The following ZFP90 variants were observed in gnomAD, a reference collection of about 807,000 sequenced individuals.
ZFP90 encodes zinc finger protein 90 homolog.
Under a neutral mutation model 60.8 loss-of-function variants are expected in ZFP90, and 38 were observed. That is an observed-to-expected ratio of 0.62 (90% CI 0.48 to 0.82). The LOEUF (loss-of-function observed/expected upper bound fraction) is 0.82, where lower values mean the gene tolerates loss of function less well. Among genes scored for constraint, ZFP90 ranks in the 40% least tolerant of loss-of-function variants. The pLI is 0.00. For missense variants in ZFP90, 711 were observed against 759.1 expected (o/e 0.94, Z 0.74); for synonymous variants, 287 against 264.8 (o/e 1.08, Z -0.82).
rs34979386 is a variant in ZFP90, at chr16:68,564,841, ATT to A, written c.*154_*155del. 58 of 1,344,364 alleles carry A rather than the reference ATT, an allele frequency of 4.3e-5. No homozygotes were observed. The Admixed American group carries it at 1.3e-3, about 31-fold the overall frequency. The allele number at this position is 1,344,364 out of a possible 1,614,324, so 83.3% of individuals were successfully genotyped here. The stretch of plus-strand genomic sequence containing the variant: ...TGTGGAGAAAACTGCCAGTAGACAG[ATT>A]TTTTTTTTTTAACATAAAGACACAT... On this transcript the variant is annotated 3_prime_UTR_variant, in exon 5 of 5. Transcript: ENST00000563169.
At chr16:68,539,256 G>C (rs562462981), upstream of ZFP90, 26 of 153,820 alleles carry the variant, frequency 1.7e-4, no homozygotes, top group Non-Finnish European at 3.6e-4. Flanking sequence ...CGTGGACCCG[G>C]GGTTGCAGGA....
chr16:68,543,781 G>C (rs1294629061), intron 2 of ZFP90, among the ~76,000 whole-genome samples: 1 of 150,974 alleles, frequency 6.6e-6, no homozygotes, highest in Non-Finnish European at 1.5e-5. Context: ...GGATGGTCTC[G>C]ATCTCCTGAC....
chr16:68,571,145 G>C (rs1241964047), downstream of ZFP90, among the ~76,000 whole-genome samples: 3 of 152,220 alleles, frequency 2.0e-5, no homozygotes, highest in Non-Finnish European at 4.4e-5. Context: ...CTGAGGGAAT[G>C]CTCCGGGTAT....
At chr16:68,546,433 C>T (rs537327312) in intron 2 of ZFP90, among the ~76,000 whole-genome samples, 1 of 152,264 alleles carries the variant, frequency 6.6e-6, no homozygotes, top group East Asian at 1.9e-4. Context: ...CTTCTTTCAG[C>T]CCGTGCAACT....
At chr16:68,569,457 T>A (rs944541599), downstream of ZFP90, among the ~76,000 whole-genome samples, 4 of 152,220 alleles carry the variant, frequency 2.6e-5, no homozygotes, top group African/African-American at 9.6e-5. Context: ...TTTTCTTGTA[T>A]GCTATCCTCC....
intron 4 of ZFP90, chr16:68,562,709 G>A (rs554607746): frequency 9.3e-6 from 4 of 432,186 alleles, no homozygotes; most frequent in African/African-American, 4.0e-5. Context: ...AGGATAGGAG[G>A]CATGGAGAGC....
chr16:68,542,436 C>A (rs972911440), intron 2 of ZFP90, among the ~76,000 whole-genome samples: 7 of 152,016 alleles, frequency 4.6e-5, no homozygotes, highest in African/African-American at 1.2e-4. Flanking sequence ...ACTAAAAATA[C>A]AAAAATTAGC....
chr16:68,540,499 G>GA (rs2091022358), intron 2 of ZFP90, among the ~76,000 whole-genome samples: 2 of 152,296 alleles, frequency 1.3e-5, no homozygotes, highest in Admixed American at 1.3e-4. Flanking sequence ...TCTTGTGGCA[G>GA]AGGGGGCATT....
chr16:68,542,846 A>C (rs575465257), intron 2 of ZFP90, among the ~76,000 whole-genome samples: 2 of 152,324 alleles, frequency 1.3e-5, no homozygotes, highest in South Asian at 4.1e-4. Flanking sequence ...ATGATGTGTC[A>C]GGCACTTTTC....
chr16:68,552,827 A>C (rs1297824917), intron 2 of ZFP90, among the ~76,000 whole-genome samples: 1 of 152,156 alleles, frequency 6.6e-6, no homozygotes, highest in East Asian at 1.9e-4. Context: ...AGGCTGACAC[A>C]GGAGAACTGC....
intron 4 of ZFP90, among the ~76,000 whole-genome samples, chr16:68,559,803 G>A (rs191640601): frequency 5.3e-5 from 8 of 152,214 alleles, no homozygotes; most frequent in African/African-American, 1.7e-4. Flanking sequence ...GAACTCCTGA[G>A]CTCAAGCAAT....
chr16:68,542,814 C>G (rs538203938), intron 2 of ZFP90, among the ~76,000 whole-genome samples: 11 of 152,286 alleles, frequency 7.2e-5, no homozygotes, highest in African/African-American at 2.6e-4. Flanking sequence ...TCTACTCATT[C>G]ACCAGGTAGT....
chr16:68,540,598 A>G (rs2091024286), intron 2 of ZFP90, among the ~76,000 whole-genome samples: 1 of 152,108 alleles, frequency 6.6e-6, no homozygotes, highest in African/African-American at 2.4e-5. Flanking sequence ...GTATCTTTGA[A>G]TCTACATTCT....
At chr16:68,550,222 TC>T (rs2091236404) in intron 2 of ZFP90, among the ~76,000 whole-genome samples, 1 of 152,198 alleles carries the variant, frequency 6.6e-6, no homozygotes, top group African/African-American at 2.4e-5. Context: ...TTACATTCTT[TC>T]CTTGATAGTA....
At chr16:68,569,843 C>A (rs1402993637), downstream of ZFP90, among the ~76,000 whole-genome samples, 1 of 152,122 alleles carries the variant, frequency 6.6e-6, no homozygotes, top group East Asian at 1.9e-4. Context: ...CTTATTCTTG[C>A]ATTCTTTCTG....
chr16:68,549,774 G>A (rs2091225538), intron 2 of ZFP90, among the ~76,000 whole-genome samples: 1 of 152,000 alleles, frequency 6.6e-6, no homozygotes, highest in Admixed American at 6.6e-5. Context: ...GAAGGGGGAT[G>A]GGGAGCACGG....
At chr16:68,569,164 TCTCA>T (rs980682805), downstream of ZFP90, among the ~76,000 whole-genome samples, 4 of 120,664 alleles carry the variant, frequency 3.3e-5, no homozygotes, top group Admixed American at 4.0e-4. Context: ...TGAGATGGAG[TCTCA>T]CTCTGTCACC....
intron 4 of ZFP90, among the ~76,000 whole-genome samples, chr16:68,559,952 T>G (rs2091411702): frequency 6.6e-6 from 1 of 152,186 alleles, no homozygotes; most frequent in Non-Finnish European, 1.5e-5. Context: ...CCCTGCAGCC[T>G]TGACCTCCTG....
At chr16:68,574,727 C>A (rs2091584848) in intron 2 of ZFP90, among the ~76,000 whole-genome samples, 1 of 152,006 alleles carries the variant, frequency 6.6e-6, no homozygotes, top group East Asian at 1.9e-4. Context: ...GAGTTTGAGA[C>A]CAGCTTGGGC....
Sources: allele counts gnomAD v4.1 joint callset (sites outside exome capture counted in the v4.1 genomes callset), GRCh38; gene constraint gnomAD v4.1.1; transcripts MANE v1.5; gene names NCBI Gene and HGNC (gene_info 2026-07-23, HGNC 2026-07-21).